CEP85L: variants seen among roughly 807,000 people sequenced by gnomAD.
CEP85L encodes the protein centrosomal protein of 85 kDa-like.
CEP85L carries 60 observed loss-of-function variants against 100.3 expected under a neutral mutation model. The ratio of observed to expected loss-of-function variants is 0.60; its 90% CI spans 0.49 to 0.74. The LOEUF (loss-of-function observed/expected upper bound fraction) is 0.74. Ranked by LOEUF, CEP85L falls within the 30% of genes least tolerant of loss-of-function variation. The probability of loss-of-function intolerance (pLI) is 0.00; values close to 1 mark genes in which losing one functional copy is unlikely to be tolerated. For synonymous variants in CEP85L, 319 were observed against 322.7 expected, an observed-to-expected ratio of 0.99 and a Z score of 0.12; for missense variants, 973 against 936.2, an observed-to-expected ratio of 1.04 and a Z score of -0.51.
chr6:118,596,795 G>T (rs557839161), intron 2 of CEP85L, among the ~76,000 whole-genome samples: 3 of 152,026 alleles, frequency 2.0e-5, no homozygotes, highest in Middle Eastern at 3.2e-3. Flanking sequence ...GTTATTTATT[G>T]TAAGTCTTCC....
chr6:118,666,897 A>G (rs1340611151), intron 1 of CEP85L, among the ~76,000 whole-genome samples: 1 of 152,194 alleles, frequency 6.6e-6, no homozygotes, highest in Non-Finnish European at 1.5e-5. Context: ...TGGGGTCTGA[A>G]GGTATAGACT....
chr6:118,638,366 A>G (rs1465629041), intron 1 of CEP85L, among the ~76,000 whole-genome samples: 35 of 152,234 alleles, frequency 2.3e-4, no homozygotes. Context: ...CATGAAAATA[A>G]CATTCTAATC....
intron 11 of CEP85L, among the ~76,000 whole-genome samples, chr6:118,470,044 G>A (rs921008700): frequency 2.6e-5 from 4 of 152,042 alleles, no homozygotes; most frequent in African/African-American, 9.7e-5. Context: ...ATTGGTGGGG[G>A]GAAGCATCTA....
At chr6:118,482,665 G>A (rs915523822) in intron 7 of CEP85L, among the ~76,000 whole-genome samples, 18 of 152,072 alleles carry the variant, frequency 1.2e-4, no homozygotes, top group African/African-American at 4.1e-4. Context: ...ATAAACATGG[G>A]TGTACAAACA....
intron 10 of CEP85L, among the ~76,000 whole-genome samples, chr6:118,477,713 G>C (rs542353848): frequency 2.1e-4 from 32 of 152,146 alleles, no homozygotes; most frequent in African/African-American, 7.0e-4. Context: ...AATTCTAATA[G>C]TACCAAGTTA....
intron 2 of CEP85L, among the ~76,000 whole-genome samples, chr6:118,593,257 T>C (rs1292284585): frequency 2.6e-5 from 4 of 151,972 alleles, no homozygotes; most frequent in Admixed American, 6.6e-5. Context: ...TGGTAATAGA[T>C]GTATGACTCT....
At chr6:118,564,816 T>C (rs899489338) in intron 3 of CEP85L, among the ~76,000 whole-genome samples, 7 of 152,202 alleles carry the variant, frequency 4.6e-5, no homozygotes, top group Non-Finnish European at 1.0e-4. Context: ...ATTAGTTTCC[T>C]TGTTAAAACA....
At chr6:118,682,720 GA>G (rs568590773) in intron 1 of CEP85L, among the ~76,000 whole-genome samples, 108 of 137,320 alleles carry the variant, frequency 7.9e-4, no homozygotes, top group African/African-American at 2.1e-3. Context: ...CAAACTGGAA[GA>G]AAAAAAAAAA....
chr6:118,559,254 T>C, intron 3 of CEP85L: 1 of 662,942 alleles, frequency 1.5e-6, no homozygotes, highest in South Asian at 1.7e-5. Flanking sequence ...ATTCATCTGT[T>C]GGATCTTGTA....
intron 1 of CEP85L, among the ~76,000 whole-genome samples, chr6:118,640,900 C>T (rs1056584309): frequency 1.3e-5 from 2 of 151,952 alleles, no homozygotes; most frequent in Non-Finnish European, 2.9e-5. Context: ...TTATTACTGT[C>T]CATGCATAGA....
intron 1 of CEP85L, among the ~76,000 whole-genome samples, chr6:118,644,454 C>CT (rs1775060015): frequency 6.6e-6 from 1 of 150,814 alleles, no homozygotes; most frequent in South Asian, 2.1e-4. Flanking sequence ...ACCCAGCAAC[C>CT]TCCCTACTGA....
At chr6:118,577,656 G>T (rs563661018) in intron 2 of CEP85L, among the ~76,000 whole-genome samples, 25 of 152,300 alleles carry the variant, frequency 1.6e-4, no homozygotes, top group African/African-American at 4.3e-4. Context: ...GATGGCCTGG[G>T]AAAACAGAAT....
At chr6:118,651,606 G>A (rs979005752), upstream of CEP85L, 8 of 1,063,380 alleles carry the variant, frequency 7.5e-6, no homozygotes, top group Admixed American at 5.5e-5. Context: ...CCCCTCCGCC[G>A]GCAGAGCCAG....
rs895301706 is a variant in CEP85L, at chr6:118,562,540, T to C, written c.1020+2989A>G. ...CACCATATATGGCTAATTCTTTTTA[T>C]TTTTTGTAGAGATGGGGTCTCATTG... On this transcript the variant is annotated intron_variant, in intron 3 of 12. Transcript: ENST00000368491. 2.6e-5 allele frequency among the ~76,000 whole-genome samples: 4 copies of C among 152,208 alleles called. No homozygotes were observed. The East Asian group carries it at 5.8e-4, about 22-fold the overall frequency.
intron 10 of CEP85L, among the ~76,000 whole-genome samples, chr6:118,474,535 C>T (rs1331757993): frequency 6.6e-6 from 1 of 152,192 alleles, no homozygotes; most frequent in Non-Finnish European, 1.5e-5. Flanking sequence ...GTGCAGAAAT[C>T]CTGACCCTTG....
chr6:118,558,937 T>G (rs780082801), intron 3 of CEP85L: 1 of 1,613,956 alleles, frequency 6.2e-7, no homozygotes, highest in Non-Finnish European at 8.5e-7. Flanking sequence ...GAAAGTCCAA[T>G]ACCTCACTCG....
Position 118,483,687 on chromosome 6 carries a change from G to A in CEP85L, c.1590+19C>T, listed in dbSNP as rs755032576. ...ATGTTTTCATGTCATTTAAAGATAA[G>A]CATTTTATTTCATGTTACCTGTAGA... On this transcript the variant is annotated intron_variant, in intron 7 of 12. Coordinates refer to ENST00000368491, the MANE Select transcript of CEP85L (RefSeq NM_001042475.3). 1 of 1,591,748 alleles carries A rather than the reference G, an allele frequency of 6.3e-7. No individual in the cohort carries two copies. The highest frequency in any genetic ancestry group is 8.5e-7 in the Non-Finnish European group (1 of 1,171,546).
chr6:118,666,872 G>A (rs1351119668), intron 1 of CEP85L, among the ~76,000 whole-genome samples: 1 of 152,162 alleles, frequency 6.6e-6, no homozygotes. Flanking sequence ...AACCCTGAGA[G>A]TACATGGGCA....
intron 12 of CEP85L, 32 bp from the exon 13 acceptor site, chr6:118,465,600 A>G: frequency 6.3e-7 from 1 of 1,597,216 alleles, no homozygotes; most frequent in Non-Finnish European, 8.5e-7. Context: ...AGAATATCTC[A>G]CATTTTTTTG....
Sources: allele counts gnomAD v4.1 joint callset (sites outside exome capture counted in the v4.1 genomes callset), GRCh38; gene constraint gnomAD v4.1.1; transcripts MANE v1.5; gene names NCBI Gene and HGNC (gene_info 2026-07-23, HGNC 2026-07-21).